The following GRIK5 variants were observed in gnomAD, a reference collection of about 807,000 sequenced individuals.
GRIK5 encodes glutamate receptor ionotropic, kainate 5.
In GRIK5, 43 loss-of-function variants were observed where a neutral mutation model predicts 97.4. The ratio of observed to expected loss-of-function variants is 0.44; its 90% confidence interval spans 0.35 to 0.57. The LOEUF (loss-of-function observed/expected upper bound fraction) is 0.57. Among genes scored for constraint, GRIK5 ranks in the 20% least tolerant of loss-of-function variants. GRIK5 has a pLI of 0.01. For synonymous variants in GRIK5, 580 were observed against 583.5 expected (o/e 0.99, Z 0.09); for missense variants, 1,015 against 1,382.0 (o/e 0.73, Z 4.21).
intron 15 of GRIK5, among the ~76,000 whole-genome samples, chr19:42,009,903 C>T (rs952937410): frequency 1.3e-5 from 2 of 150,896 alleles, no homozygotes; most frequent in African/African-American, 4.9e-5. Flanking sequence ...CCCATCTCTA[C>T]TAAAAATACA....
chr19:42,054,022 G>T (rs996514275), intron 9 of GRIK5, 93 bp from the exon 10 acceptor site: 1 of 827,788 alleles, frequency 1.2e-6, no homozygotes, highest in Non-Finnish European at 2.0e-6. Context: ...ACAGAGAAAG[G>T]CACAGACAGA....
rs1170671526 is a variant in GRIK5, at chr19:42,062,730, A to G, written c.342+28T>C. On this transcript the variant is annotated intron_variant, in intron 4 of 19. Coordinates refer to ENST00000593562, the MANE Select transcript of GRIK5 (RefSeq NM_002088.5). The surrounding 1 kb of genome is among the most constrained non-coding windows in gnomAD (Gnocchi z 5.3). ...GCCTCCCAGGGACCCGCTCCCCACA[A>G]AGCGCCGGCCCACACTCCCCATCTC... The G allele has an allele frequency of 8.7e-6, 14 of 1,611,668 alleles. No individual in the cohort carries two copies. The highest frequency in any genetic ancestry group is 1.2e-5 in the Non-Finnish European group (14 of 1,178,082).
At position 42,068,887 on chromosome 19, in the gene GRIK5, G is replaced by C. The variant is rs1035290452; in HGVS notation, c.-51+354C>G. On this transcript the variant is annotated intron_variant, in intron 1 of 19. Transcript: ENST00000593562. The stretch of plus-strand genomic sequence containing the variant: ...CGCAGGCAGAGGATGAGGCTCAGAG[G>C]AACAGAAAGAGCCAGTCTGGGACCA... The C allele has an allele frequency of 4.4e-6, 3 of 685,032 alleles. No individual in the cohort carries two copies. The East Asian group carries it at 8.4e-5, about 19-fold the overall frequency. 42.4% of individuals were successfully genotyped at this position (685,032 alleles called of 1,614,324 possible).
chr19:42,000,931 T>C (rs1372553871), intron 19 of GRIK5, among the ~76,000 whole-genome samples: 1 of 152,176 alleles, frequency 6.6e-6, no homozygotes, highest in Non-Finnish European at 1.5e-5. Context: ...GTTTTGACAC[T>C]TTAAACATCT....
chr19:42,049,495 T>C (rs2076085044), intron 11 of GRIK5, among the ~76,000 whole-genome samples: 1 of 152,142 alleles, frequency 6.6e-6, no homozygotes, highest in African/African-American at 2.4e-5. Context: ...ATGAAACTCA[T>C]AATGTTGCCA....
intron 19 of GRIK5, chr19:42,001,711 T>C (rs945829775): frequency 4.1e-5 from 8 of 192,898 alleles, no homozygotes; most frequent in South Asian, 1.1e-4. Flanking sequence ...CAGAGACCCA[T>C]GGCAGCCAGA....
intron 15 of GRIK5, among the ~76,000 whole-genome samples, chr19:42,010,772 G>C (rs899169842): frequency 6.6e-6 from 1 of 152,186 alleles, no homozygotes; most frequent in Non-Finnish European, 1.5e-5. Flanking sequence ...TGGGTAAATA[G>C]AAAAGATATA....
intron 12 of GRIK5, among the ~76,000 whole-genome samples, chr19:42,026,301 T>G (rs910526275): frequency 6.6e-6 from 1 of 151,602 alleles, no homozygotes; most frequent in African/African-American, 2.4e-5. Context: ...TTTATTATTA[T>G]TATTATTTTT....
chr19:42,003,336 T>G lies in GRIK5; in HGVS notation c.2510A>C (p.Glu837Ala), dbSNP rs1555871492. The change falls in exon 19 of 20, where the codon GAG (glutamate) becomes GCG (alanine). Residue 837 changes from glutamate (E) to alanine (A), a missense_variant. Around this residue, in one of 5 missense-constraint regions of GRIK5, gnomAD observed 229 missense variants for 341.0 expected, o/e 0.67. Transcript: ENST00000593562. This position sits in a 1 kb window ranked among gnomAD's most constrained non-coding sequence, Gnocchi z 4.2. ...CCCCACCCCCAGCCTCCTCACCTCC[T>G]CGGACTCAGCTGACCTCCGTGTGGA... ...IWSTRRSAES[E>A]EVSVCQEMLQ... 9.4e-7 allele frequency: 1 copy of G among 1,060,770 alleles called. No individual in the cohort carries two copies. The highest frequency in any genetic ancestry group is 3.5e-5 in the East Asian group (1 of 28,774). The allele number at this position is 1,060,770 out of a possible 1,614,324, so 65.7% of individuals were successfully genotyped here.
intron 6 of GRIK5, 49 bp downstream of exon 6, chr19:42,059,300 C>T: frequency 5.2e-6 from 8 of 1,524,250 alleles, no homozygotes; most frequent in Non-Finnish European, 6.3e-6. Flanking sequence ...CTCGGTCACC[C>T]CAAGTTTCTG....
chr19:42,004,217 T>C (rs1429325597), intron 17 of GRIK5, among the ~76,000 whole-genome samples: 1 of 152,188 alleles, frequency 6.6e-6, no homozygotes. Flanking sequence ...TAACACTGTA[T>C]TATATGGCTA....
chr19:42,018,379 G>A (rs376749678), intron 15 of GRIK5, among the ~76,000 whole-genome samples: 2 of 151,152 alleles, frequency 1.3e-5, no homozygotes, highest in East Asian at 3.9e-4. Context: ...TCTCAGCCAG[G>A]TGCCGTGGCT....
At position 42,006,296 on chromosome 19, in the gene GRIK5, C is replaced by T. The variant is rs1186736375; in HGVS notation, c.2038-348G>A. ...TTGCTTTCCTCTTCTTTCCTTCCCA[C>T]CACCCCAAAATACAAAAGATCAAGC... On this transcript the variant is annotated intron_variant, in intron 16 of 19. Transcript: ENST00000593562. The surrounding 1 kb of genome is among the most constrained non-coding windows in gnomAD (Gnocchi z 5.3). Among the ~76,000 whole-genome samples the T allele has an allele frequency of 6.6e-6, 1 of 152,180 alleles. No individual in the cohort carries two copies. Among genetic ancestry groups the T allele is most frequent in the African/African-American group, 2.4e-5 (1 of 41,446 alleles).
rs912791946 is a variant in GRIK5 at position 42,009,270 on chromosome 19, G to A, written c.1872-2460C>T. ...TTATTTATTTTTGAGATAGAGTCTC[G>A]CTCTGTCCCAAGCTGAAGCTGGAGT... On this transcript the variant is annotated intron_variant, in intron 15 of 19. Transcript: ENST00000593562. Among the ~76,000 whole-genome samples, 14 of 151,862 alleles carry A rather than the reference G, an allele frequency of 9.2e-5. No homozygotes were observed. In the East Asian group the frequency reaches 2.1e-3, roughly 23 times the overall value.
In GRIK5 at chr19:42,021,128, C is replaced by A. The variant is rs567569371; in HGVS notation, c.1871+173G>T. Among the ~76,000 whole-genome samples, 2 of 152,330 alleles carry A rather than the reference C, an allele frequency of 1.3e-5. No homozygotes were observed. The highest frequency in any genetic ancestry group is 3.9e-4 in the East Asian group (2 of 5,192). On this transcript the variant is annotated intron_variant, in intron 15 of 19. Coordinates refer to ENST00000593562, the MANE Select transcript of GRIK5 (RefSeq NM_002088.5). This position sits in a 1 kb window ranked among gnomAD's most constrained non-coding sequence, Gnocchi z 4.2. ...TGCGGTCTGGCCAAGCTCACATAGC[C>A]AGTAAGCGGCAGAGCTGGAGCTCAG...
intron 15 of GRIK5, among the ~76,000 whole-genome samples, chr19:42,015,346 C>T: frequency 6.6e-6 from 1 of 152,208 alleles, no homozygotes; most frequent in Non-Finnish European, 1.5e-5. Flanking sequence ...ACAGCAGAAA[C>T]ACATTCAGTG....
intron 8 of GRIK5, among the ~76,000 whole-genome samples, chr19:42,055,608 C>T (rs1162350951): frequency 6.6e-6 from 1 of 151,978 alleles, no homozygotes; most frequent in African/African-American, 2.4e-5. Context: ...TAAGCCACAT[C>T]GTGATGAAAT....
intron 12 of GRIK5, among the ~76,000 whole-genome samples, chr19:42,040,435 C>T (rs969683833): frequency 4.6e-5 from 7 of 152,202 alleles, no homozygotes; most frequent in Non-Finnish European, 5.9e-5. Context: ...TCTGAGCCTA[C>T]GTGACTAAAG....
At chr19:42,014,100 A>G (rs745738878) in intron 15 of GRIK5, among the ~76,000 whole-genome samples, 9 of 151,976 alleles carry the variant, frequency 5.9e-5, no homozygotes, top group Non-Finnish European at 1.3e-4. Context: ...AAAATTTAAA[A>G]GAAAAATTAC....
Sources: gnomAD v4.1 joint callset for allele counts (sites outside exome capture counted in the v4.1 genomes callset) on GRCh38, gnomAD v4.1.1 for gene constraint, gnomAD v4.1.1 regional missense constraint, Gnocchi (gnomAD v3.1) non-coding constraint, MANE v1.5 for transcripts, NCBI Gene and HGNC (gene_info 2026-07-23, HGNC 2026-07-21) for gene names.